Variants in PARVB observed in about 807,000 individuals in gnomAD.
PARVB encodes the protein parvin beta, also known as beta-parvin.
A neutral mutation model predicts 47.0 loss-of-function variants in PARVB; 46 were observed. The ratio of observed to expected loss-of-function variants is 0.98; its 90% confidence interval spans 0.77 to 1.25. The LOEUF (loss-of-function observed/expected upper bound fraction) is 1.25, where lower values mean the gene tolerates loss of function less well. Ranked by LOEUF, PARVB falls within the 50% of genes most tolerant of loss-of-function variation. The pLI is 0.00. For missense variants in PARVB, 473 were observed against 471.6 expected (o/e 1.00, Z -0.03); for synonymous variants, 196 against 196.3 (o/e 1.00, Z 0.01).
rs2053008598 is a variant in PARVB at position 44,120,051 on chromosome 22, T to C, written c.376+911T>C. ...CTAGGGGGCAGTACTGCCATCGCCT[T>C]CGACAGGTGGGGACGTTGGGGCCCA... is the stretch of plus-strand genomic sequence containing the variant. On this transcript the variant is annotated intron_variant, in intron 4 of 12. Transcript: ENST00000338758. 7.8e-5 allele frequency: 28 copies of C among 359,490 alleles called. 1 individual carries two copies. Among genetic ancestry groups the C allele is most frequent in the South Asian group, 5.7e-4 (28 of 49,086 alleles). 22.3% of individuals were successfully genotyped at this position (359,490 alleles called of 1,614,324 possible).
rs748130173 is a variant in PARVB at position 44,133,029 on chromosome 22, C to T, written c.633+20C>T. 27 of 1,561,264 alleles carry T rather than the reference C, an allele frequency of 1.7e-5. No homozygotes were observed. The highest frequency in any genetic ancestry group is 4.7e-5 in the East Asian group (2 of 42,732). On this transcript the variant is annotated intron_variant, in intron 6 of 12. Transcript: ENST00000338758. ...GTGCGGGTGAGTATAACCGAGTGGT[C>T]GGCCTGCCTGTAACTCCGCCAGAGA...
At chr22:44,168,490 C>T in intron 12 of PARVB, 112 bp from the exon 13 acceptor site, 1 of 747,168 alleles carries the variant, frequency 1.3e-6, no homozygotes. Context: ...AGGGGAAGCG[C>T]TGTGTGTGGA....
intron 1 of PARVB, among the ~76,000 whole-genome samples, chr22:44,067,324 G>T (rs564601008): frequency 2.6e-5 from 4 of 152,244 alleles, no homozygotes; most frequent in Non-Finnish European, 5.9e-5. Flanking sequence ...TGACTACTAG[G>T]CTGCTGATCC....
At chr22:44,112,692 A>G (rs200851158) in intron 3 of PARVB, 57 of 19,398 alleles carry the variant, frequency 2.9e-3, no homozygotes, top group South Asian at 8.2e-3. Flanking sequence ...ACACGGATAC[A>G]TTGTTACTAA....
intron 12 of PARVB, among the ~76,000 whole-genome samples, chr22:44,165,195 A>G (rs1366743472): frequency 6.6e-6 from 1 of 152,148 alleles, no homozygotes; most frequent in African/African-American, 2.4e-5. Flanking sequence ...ACAAGGTCTC[A>G]CTATGTTGCC....
At chr22:44,017,841 T>C (rs897108022) in intron 2 of PARVB, among the ~76,000 whole-genome samples, 3 of 152,144 alleles carry the variant, frequency 2.0e-5, no homozygotes, top group African/African-American at 4.8e-5. Flanking sequence ...TTAGAGGCTC[T>C]TCACTGGGGG....
chr22:44,036,000 G>A (rs899520085), intron 1 of PARVB, among the ~76,000 whole-genome samples: 3 of 152,160 alleles, frequency 2.0e-5, no homozygotes, highest in Non-Finnish European at 2.9e-5. Flanking sequence ...GCTCACGCCT[G>A]TAATCCCAGC....
At chr22:44,079,299 GT>G (rs1448700515) in intron 1 of PARVB, among the ~76,000 whole-genome samples, 4 of 152,182 alleles carry the variant, frequency 2.6e-5, no homozygotes, top group African/African-American at 7.2e-5. Flanking sequence ...CCATCCTTGT[GT>G]TTGAAAATGC....
intron 1 of PARVB, chr22:44,039,895 G>C (rs1183038688): frequency 2.2e-6 from 1 of 454,298 alleles, no homozygotes; most frequent in Non-Finnish European, 4.4e-6. Context: ...GCTCACTGCA[G>C]CCTCGAACTC....
At chr22:44,033,925 C>A (rs2050869113) in intron 1 of PARVB, among the ~76,000 whole-genome samples, 1 of 152,100 alleles carries the variant, frequency 6.6e-6, no homozygotes, top group Admixed American at 6.6e-5. Flanking sequence ...TTACTCCAGA[C>A]TCCAGGGAAC....
upstream of PARVB, among the ~76,000 whole-genome samples, chr22:44,020,240 G>A (rs1292626719): frequency 6.6e-6 from 1 of 150,450 alleles, no homozygotes; most frequent in Non-Finnish European, 1.5e-5. Flanking sequence ...ACAGTGGCAT[G>A]ATCATGGCTC....
intron 2 of PARVB, among the ~76,000 whole-genome samples, chr22:44,015,212 TAGAA>T (rs1448052749): frequency 4.6e-5 from 7 of 150,668 alleles, no homozygotes; most frequent in African/African-American, 9.7e-5. Flanking sequence ...ATACAGGAGA[TAGAA>T]AGAAATTATT....
At chr22:44,009,103 C>CT (rs1159557738) in intron 2 of PARVB, among the ~76,000 whole-genome samples, 1 of 152,094 alleles carries the variant, frequency 6.6e-6, no homozygotes, top group Non-Finnish European at 1.5e-5. Flanking sequence ...TACTGATTTC[C>CT]TTGCGAATTT....
chr22:44,104,701 T>G (rs2052529495), intron 3 of PARVB: 1 of 152,238 alleles, frequency 6.6e-6, no homozygotes. Flanking sequence ...ATTCCCTGCC[T>G]CCCCTCCTCC....
intron 1 of PARVB, among the ~76,000 whole-genome samples, chr22:44,036,169 A>G: frequency 6.6e-6 from 1 of 152,204 alleles, no homozygotes. Flanking sequence ...AGGCAGGAGA[A>G]TCACTTGAAC....
At chr22:44,135,127 G>A (rs565625588) in intron 6 of PARVB, among the ~76,000 whole-genome samples, 3 of 152,334 alleles carry the variant, frequency 2.0e-5, no homozygotes, top group Non-Finnish European at 2.9e-5. Flanking sequence ...CTGGCCCAGC[G>A]GGAAATGAGT....
At chr22:44,046,322 C>T (rs1421531197) in intron 1 of PARVB, among the ~76,000 whole-genome samples, 1 of 152,200 alleles carries the variant, frequency 6.6e-6, no homozygotes, top group African/African-American at 2.4e-5. Flanking sequence ...GGAGTAGGAC[C>T]CTTAGCACAA....
chr22:44,159,963 C>T (rs1042447209), intron 11 of PARVB, among the ~76,000 whole-genome samples: 3 of 152,160 alleles, frequency 2.0e-5, no homozygotes, highest in Non-Finnish European at 2.9e-5. Context: ...ACCAGAGATG[C>T]GTCATGAGCT....
chr22:44,144,341 G>T (rs1035492122), intron 8 of PARVB: 3 of 152,344 alleles, frequency 2.0e-5, no homozygotes, highest in African/African-American at 7.2e-5. Flanking sequence ...GGGTGGCAGT[G>T]GGGAGTGGTG....
Sources: allele counts gnomAD v4.1 joint callset (sites outside exome capture counted in the v4.1 genomes callset), GRCh38; gene constraint gnomAD v4.1.1; transcripts MANE v1.5; gene names NCBI Gene and HGNC (gene_info 2026-07-23, HGNC 2026-07-21).